The following NUAK1 variants were observed in gnomAD, a reference collection of about 807,000 sequenced individuals.
NUAK1 encodes the protein NUAK family SNF1-like kinase 1.
Under a neutral mutation model 56.9 loss-of-function variants are expected in NUAK1, and 26 were observed. That is an observed-to-expected ratio of 0.46 (90% CI 0.33 to 0.63). The LOEUF is 0.63. NUAK1 is among the 30% of genes least tolerant of loss of function. NUAK1 has a pLI of 0.02. For missense variants in NUAK1, 727 were observed against 876.1 expected, an observed-to-expected ratio of 0.83 and a Z score of 2.15; for synonymous variants, 337 against 336.0, an observed-to-expected ratio of 1.00 and a Z score of -0.03.
intron 5 of NUAK1, among the ~76,000 whole-genome samples, chr12:106,072,139 G>A (rs1035975792): frequency 5.9e-5 from 9 of 152,180 alleles, no homozygotes; most frequent in African/African-American, 1.9e-4. Flanking sequence ...AGTCAGATAT[G>A]CATGCTGCCA....
chr12:106,116,610 G>T (rs2032919272), intron 1 of NUAK1, among the ~76,000 whole-genome samples: 1 of 152,212 alleles, frequency 6.6e-6, no homozygotes. Flanking sequence ...TAAATAGGAG[G>T]TCTGGGTCTC....
chr12:106,086,954 T>C, intron 2 of NUAK1, 69 bp from the exon 3 acceptor site: 1 of 1,563,968 alleles, frequency 6.4e-7, no homozygotes, highest in South Asian at 1.2e-5. Context: ...CTACAGAGAA[T>C]GCGAGAGAGG....
At chr12:106,078,470 T>C (rs1374121257) in intron 4 of NUAK1, among the ~76,000 whole-genome samples, 2 of 152,224 alleles carry the variant, frequency 1.3e-5, no homozygotes, top group African/African-American at 4.8e-5. Flanking sequence ...AGGGGAGTTA[T>C]TGCTGTCAGG....
At chr12:106,121,496 T>C (rs1321246890) in intron 1 of NUAK1, among the ~76,000 whole-genome samples, 2 of 152,172 alleles carry the variant, frequency 1.3e-5, no homozygotes, top group African/African-American at 4.8e-5. Context: ...ACACCTGTAA[T>C]CCCAGCACTT....
chr12:106,138,916 G>T lies in NUAK1; in HGVS notation c.-263C>A. Reference sequence around the variant, plus strand: ...GTCGGGCGAGGTGGCGGCGGTGGCAGGGGAGGCGGTGGTGTTTGCAGGAGG... The same window carrying T: ...GTCGGGCGAGGTGGCGGCGGTGGCATGGGAGGCGGTGGTGTTTGCAGGAGG... On this transcript the variant is annotated 5_prime_UTR_variant, in exon 1 of 7. The change creates a new upstream start codon in the 5' untranslated region. Coordinates refer to ENST00000261402, the MANE Select transcript of NUAK1 (RefSeq NM_014840.3). The surrounding 1 kb of genome is among the most constrained non-coding windows in gnomAD (Gnocchi z 5.0). 1 of 368,080 alleles carries T rather than the reference G, an allele frequency of 2.7e-6. No individual in the cohort carries two copies. Among genetic ancestry groups the T allele is most frequent in the South Asian group, 1.1e-4 (1 of 9,202 alleles). The allele number at this position is 368,080 out of a possible 1,614,324, so 22.8% of individuals were successfully genotyped here. A position where few individuals can be genotyped will look rare whatever the true frequency, so the allele number is the denominator to read the frequency against.
Position 106,101,429 on chromosome 12 carries a change from C to A in NUAK1, c.361+4976G>T, listed in dbSNP as rs11832418. On this transcript the variant is annotated intron_variant, in intron 2 of 6. Transcript: ENST00000261402. ...ACCCTATTTGGAGACAGTGTCTTTACGGAGATAAGTTAAAATGAGGTCCTT... is the reference window on the plus strand; with the variant it reads ...ACCCTATTTGGAGACAGTGTCTTTAAGGAGATAAGTTAAAATGAGGTCCTT... Among the ~76,000 whole-genome samples, 506 of 152,200 alleles carry A rather than the reference C, an allele frequency of 3.3e-3. 1 individual carries two copies. Among genetic ancestry groups the A allele is most frequent in the African/African-American group, 0.011 (467 of 41,496 alleles).
chr12:106,094,006 G>A (rs150861197), intron 2 of NUAK1, among the ~76,000 whole-genome samples: 5,528 of 151,250 alleles, frequency 0.037, 344 homozygotes, highest in African/African-American at 0.13. Flanking sequence ...ACAGGGTTTC[G>A]CCATGTTGCC....
Position 106,086,777 on chromosome 12 carries a change from T to C in NUAK1, c.470A>G (p.His157Arg). The C allele has an allele frequency of 6.2e-7, 1 of 1,614,176 alleles. No homozygotes were observed. Among genetic ancestry groups the C allele is most frequent in the Non-Finnish European group, 8.5e-7 (1 of 1,180,022 alleles). ...RRRLSERETR[H>R]FFRQIVSAVH... Reference sequence around the variant, plus strand: ...AGCAGAGACGATCTGCCGGAAGAAGTGCCGGGTCTCCCTCTCACTGAGGCG... The same window carrying C: ...AGCAGAGACGATCTGCCGGAAGAAGCGCCGGGTCTCCCTCTCACTGAGGCG... Residue 157 changes from histidine to arginine, a missense_variant, in exon 3 of 7, where the codon CAC (histidine) becomes CGC (arginine). Coordinates refer to ENST00000261402, the MANE Select transcript of NUAK1 (RefSeq NM_014840.3).
chr12:106,117,875 T>G (rs773086238), intron 1 of NUAK1, among the ~76,000 whole-genome samples: 4 of 152,210 alleles, frequency 2.6e-5, no homozygotes, highest in Non-Finnish European at 4.4e-5. Flanking sequence ...AGCCAGGAAC[T>G]GCTGTGTTCC....
chr12:106,138,268 A>G lies in NUAK1; in HGVS notation c.240+146T>C, dbSNP rs909415401. On this transcript the variant is annotated intron_variant, in intron 1 of 6. Coordinates refer to ENST00000261402, the MANE Select transcript of NUAK1 (RefSeq NM_014840.3). This position sits in a 1 kb window ranked among gnomAD's most constrained non-coding sequence, Gnocchi z 5.0. Reference sequence around the variant, plus strand: ...CTGAGTCACGGGGTGCTGGAGAAAGAGTGAGGAGTCTGTCTCGGGGCTTCC... The same window carrying G: ...CTGAGTCACGGGGTGCTGGAGAAAGGGTGAGGAGTCTGTCTCGGGGCTTCC... 6.6e-6 allele frequency: 7 copies of G among 1,062,466 alleles called. No individual in the cohort carries two copies. In the African/African-American group the frequency reaches 1.1e-4, roughly 17 times the overall value. The allele number at this position is 1,062,466 out of a possible 1,614,324, so 65.8% of individuals were successfully genotyped here. A position where few individuals can be genotyped will look rare whatever the true frequency, so the allele number is the denominator to read the frequency against.
Position 106,138,628 on chromosome 12 carries a change from G to A in NUAK1, c.26C>T (p.Ala9Val), listed in dbSNP as rs1312786713. Reference protein sequence around the residue: MEGAAAPVAGDRPDLGLGA... With the variant: MEGAAAPVVGDRPDLGLGA... ...CAGCCCCAAGTCGGGGCGGTCCCCC[G>A]CCACAGGCGCGGCGGCCCCTTCCAT... The change falls in exon 1 of 7, where the codon GCG becomes GTG. Residue 9 changes from alanine (A) to valine (V), a missense_variant. Coordinates refer to ENST00000261402, the MANE Select transcript of NUAK1 (RefSeq NM_014840.3). The surrounding 1 kb of genome is among the most constrained non-coding windows in gnomAD (Gnocchi z 5.0). 1.3e-6 allele frequency: 2 copies of A among 1,549,932 alleles called. No individual in the cohort carries two copies. The highest frequency in any genetic ancestry group is 1.7e-6 in the Non-Finnish European group (2 of 1,156,324).
In NUAK1 at chr12:106,067,005, G is replaced by A. The variant is rs552751383; in HGVS notation, c.1783C>T (p.Arg595Cys). 134 of 1,614,236 alleles carry A rather than the reference G, an allele frequency of 8.3e-5. No homozygotes were observed. Among genetic ancestry groups the A allele is most frequent in the Middle Eastern group, 1.6e-4 (1 of 6,062 alleles). The change falls in exon 7 of 7, where the codon CGC (arginine) becomes TGC (cysteine). Residue 595 changes from arginine (R) to cysteine (C), a missense_variant. By Grantham distance (180) the Arg-to-Cys change is radical (BLOSUM62 -3). Transcript: ENST00000261402. The surrounding 1 kb of genome is among the most constrained non-coding windows in gnomAD (Gnocchi z 6.0). ...LLDLQENRPARQRIRSCVSAE... is the reference protein window; with the variant it reads ...LLDLQENRPACQRIRSCVSAE... The stretch of plus-strand genomic sequence containing the variant: ...GAGACGCAGCTGCGGATGCGCTGGC[G>A]GGCAGGGCGATTCTCCTGCAAATCC...
At chr12:106,096,169 T>A (rs2032695101) in intron 2 of NUAK1, among the ~76,000 whole-genome samples, 1 of 152,082 alleles carries the variant, frequency 6.6e-6, no homozygotes, top group Non-Finnish European at 1.5e-5. Flanking sequence ...TTTTTTTTCT[T>A]TAAAAATTAG....
chr12:106,065,958 G>C lies in NUAK1; in HGVS notation c.*844C>G, dbSNP rs2032333009. The C allele has an allele frequency of 6.6e-6, 1 of 152,454 alleles. No individual in the cohort carries two copies. Among genetic ancestry groups the C allele is most frequent in the African/African-American group, 2.4e-5 (1 of 41,452 alleles). 9.4% of individuals were successfully genotyped at this position (152,454 alleles called of 1,614,324 possible). On this transcript the variant is annotated 3_prime_UTR_variant, in exon 7 of 7. Transcript: ENST00000261402. ...AGAGGTTGTGCTGTAGAGCAAGGCA[G>C]ACATCAGGAAAGAGGAGGTGAACAG... is the stretch of plus-strand genomic sequence containing the variant.
intron 1 of NUAK1, among the ~76,000 whole-genome samples, chr12:106,134,880 C>A (rs1335204235): frequency 3.3e-5 from 5 of 152,150 alleles, no homozygotes; most frequent in African/African-American, 1.2e-4. Context: ...TATGGACACA[C>A]CTCCCTAATT....
intron 1 of NUAK1, among the ~76,000 whole-genome samples, chr12:106,129,289 C>G (rs557453209): frequency 6.6e-6 from 1 of 152,350 alleles, no homozygotes; most frequent in South Asian, 2.1e-4. Context: ...CTGCTGACTC[C>G]CGCCTTCACA....
chr12:106,086,987 G>A, intron 2 of NUAK1, 102 bp from the exon 3 acceptor site: 2 of 1,440,894 alleles, frequency 1.4e-6, no homozygotes, highest in Non-Finnish European at 1.9e-6. Flanking sequence ...TCGCCAGGCA[G>A]AGGATCGACT....
intron 1 of NUAK1, among the ~76,000 whole-genome samples, chr12:106,136,527 A>C (rs2033131251): frequency 6.6e-6 from 1 of 152,206 alleles, no homozygotes; most frequent in Non-Finnish European, 1.5e-5. Context: ...GCCTGACAGG[A>C]AGTCCCACTG....
Position 106,138,511 on chromosome 12 carries a change from T to C in NUAK1, c.143A>G (p.Lys48Arg). Reference protein sequence around the residue: ...KPHGVKRHHHKHNLKHRYELQ... With the variant: ...KPHGVKRHHHRHNLKHRYELQ... Reference sequence around the variant, plus strand: ...CTCGTAGCGGTGCTTCAAGTTGTGCTTGTGGTGATGCCGCTTCACCCCGTG... The same window carrying C: ...CTCGTAGCGGTGCTTCAAGTTGTGCCTGTGGTGATGCCGCTTCACCCCGTG... Residue 48 changes from lysine (K) to arginine (R), a missense_variant, in exon 1 of 7, where the codon AAG becomes AGG. By Grantham distance (26) the Lys-to-Arg change is conservative. Coordinates refer to ENST00000261402, the MANE Select transcript of NUAK1 (RefSeq NM_014840.3). The surrounding 1 kb of genome is among the most constrained non-coding windows in gnomAD (Gnocchi z 5.0). 6.2e-7 allele frequency: 1 copy of C among 1,613,274 alleles called. No individual in the cohort carries two copies. The highest frequency in any genetic ancestry group is 1.3e-5 in the African/African-American group (1 of 74,978).
Sources: gnomAD v4.1 joint callset for allele counts (sites outside exome capture counted in the v4.1 genomes callset) on GRCh38, gnomAD v4.1.1 for gene constraint, Gnocchi (gnomAD v3.1) non-coding constraint, MANE v1.5 for transcripts, NCBI Gene and HGNC (gene_info 2026-07-23, HGNC 2026-07-21) for gene names.